Variants in CACNA1B observed in about 807,000 individuals in gnomAD.
CACNA1B encodes the protein calcium voltage-gated channel subunit alpha1 B.
Under a neutral mutation model 247.2 loss-of-function variants are expected in CACNA1B, and 70 were observed. That is an observed-to-expected ratio of 0.28 (90% CI 0.23 to 0.35). CACNA1B has a LOEUF of 0.35. Ranked by LOEUF, CACNA1B falls within the 10% of genes least tolerant of loss-of-function variation. The probability of loss-of-function intolerance (pLI) is 1.00; values close to 1 mark genes in which losing one functional copy is unlikely to be tolerated. For missense variants in CACNA1B, 2,367 were observed against 3,197.4 expected (o/e 0.74, Z 6.26); for synonymous variants, 1,231 against 1,294.4 (o/e 0.95, Z 1.05).
At chr9:137,980,938 T>C (rs1453307054) in intron 12 of CACNA1B, among the ~76,000 whole-genome samples, 1 of 152,246 alleles carries the variant, frequency 6.6e-6, no homozygotes, top group Non-Finnish European at 1.5e-5. Flanking sequence ...GTGTCCCTGC[T>C]GTTGTGAATA....
chr9:138,118,065 G>A lies in CACNA1B; in HGVS notation c.5897G>A (p.Gly1966Glu). 6.3e-7 allele frequency: 1 copy of A among 1,586,734 alleles called. No homozygotes were observed. Among genetic ancestry groups the A allele is most frequent in the Non-Finnish European group, 8.6e-7 (1 of 1,165,950 alleles). ...ERGHSTEIPV[G>E]RSGALAVDVQ... ...GGCCACTCCACAGAGATCCCTGTGG[G>A]GCGGTCAGGAGCACTGGTGAGCACT... Residue 1966 changes from glycine to glutamate, a missense_variant, in exon 43 of 47, where the codon GGG becomes GAG. By Grantham distance (98) the Gly-to-Glu change is moderately conservative. This residue lies in a region of CACNA1B where 773 missense variants were observed against 779.4 expected (regional missense o/e 0.99). Transcript: ENST00000371372.
In CACNA1B at chr9:137,889,700, G is replaced by A. The variant is rs1397192698; in HGVS notation, c.530+6817G>A. Among the ~76,000 whole-genome samples, 8 of 148,474 alleles carry A rather than the reference G, an allele frequency of 5.4e-5. 1 individual carries two copies. The highest frequency in any genetic ancestry group is 1.9e-4 in the East Asian group (1 of 5,152). On this transcript the variant is annotated intron_variant, in intron 3 of 46. Coordinates refer to ENST00000371372, the MANE Select transcript of CACNA1B (RefSeq NM_000718.4). ...CCCTTCCTGACAGTGGCCTCCCATC[G>A]GGCCTCCATGTCCGTGGGGACAGGC... is the stretch of plus-strand genomic sequence containing the variant.
rs1960156325 is a variant in CACNA1B at position 138,072,183 on chromosome 9, T to C, written c.4675-1305T>C. ...TCCTTGTGCCCACTGGCCATGGATATCATTCAAAACCAGTCCTGCTCCCAC... is the reference window on the plus strand; with the variant it reads ...TCCTTGTGCCCACTGGCCATGGATACCATTCAAAACCAGTCCTGCTCCCAC... On this transcript the variant is annotated intron_variant, in intron 32 of 46. Transcript: ENST00000371372. The surrounding 1 kb of genome is among the most constrained non-coding windows in gnomAD (Gnocchi z 4.5). Among the ~76,000 whole-genome samples the C allele has an allele frequency of 6.6e-6, 1 of 152,184 alleles. No homozygotes were observed. The highest frequency in any genetic ancestry group is 2.4e-5 in the African/African-American group (1 of 41,448).
At chr9:138,046,691 C>T (rs560990151) in intron 21 of CACNA1B, among the ~76,000 whole-genome samples, 4 of 152,254 alleles carry the variant, frequency 2.6e-5, no homozygotes, top group African/African-American at 7.2e-5. Context: ...CCCCACCCCC[C>T]GTCCCGGGAG....
intron 36 of CACNA1B, 119 bp from the exon 37 acceptor site, chr9:138,096,365 C>G: frequency 1.2e-6 from 1 of 804,244 alleles, no homozygotes. Context: ...ATGTGCTGGT[C>G]AAATCAGAGT....
At chr9:137,892,467 G>T (rs781666360) in intron 3 of CACNA1B, 11 of 406,518 alleles carry the variant, frequency 2.7e-5, no homozygotes, top group Non-Finnish European at 5.5e-5. Context: ...TAGATGGTTT[G>T]ATGTCTGCAG....
chr9:138,010,250 G>C lies in CACNA1B; in HGVS notation c.2160+173G>C, dbSNP rs938520251. ...GCTGGAGGCTGGAGCTGAGGATGCA[G>C]GGAGAGCCAAAGCCCCGAAGGCAGA... On this transcript the variant is annotated intron_variant, in intron 17 of 46. Coordinates refer to ENST00000371372, the MANE Select transcript of CACNA1B (RefSeq NM_000718.4). This position sits in a 1 kb window ranked among gnomAD's most constrained non-coding sequence, Gnocchi z 5.3. 1.3e-5 allele frequency among the ~76,000 whole-genome samples: 2 copies of C among 152,170 alleles called. No homozygotes were observed. Among genetic ancestry groups the C allele is most frequent in the Non-Finnish European group, 2.9e-5 (2 of 68,024 alleles).
intron 42 of CACNA1B, among the ~76,000 whole-genome samples, chr9:138,115,963 C>G (rs940115056): frequency 6.6e-6 from 1 of 152,244 alleles, no homozygotes; most frequent in African/African-American, 2.4e-5. Flanking sequence ...GTCAAGGGCT[C>G]TTCCTTTGCT....
At chr9:137,969,973 G>A (rs949492409) in intron 10 of CACNA1B, among the ~76,000 whole-genome samples, 6 of 152,150 alleles carry the variant, frequency 3.9e-5, no homozygotes, top group Non-Finnish European at 7.3e-5. Context: ...GTACACACAT[G>A]TGTACAAACA....
At chr9:137,981,687 C>T (rs983408085) in intron 12 of CACNA1B, among the ~76,000 whole-genome samples, 6 of 152,282 alleles carry the variant, frequency 3.9e-5, no homozygotes, top group South Asian at 4.1e-4. Context: ...CCATGTTGGT[C>T]GGGCTGGTCC....
In CACNA1B at chr9:137,891,747, T is replaced by C; in HGVS notation, c.530+8864T>C. ...AGAAGGCAGGTGCTGGCTGTGGGGCTGTAGAGTGGAGGGGCCTCCACCCTG... is the reference window on the plus strand; with the variant it reads ...AGAAGGCAGGTGCTGGCTGTGGGGCCGTAGAGTGGAGGGGCCTCCACCCTG... On this transcript the variant is annotated intron_variant, in intron 3 of 46. Coordinates refer to ENST00000371372, the MANE Select transcript of CACNA1B (RefSeq NM_000718.4). This position sits in a 1 kb window ranked among gnomAD's most constrained non-coding sequence, Gnocchi z 4.3. 1 of 314,204 alleles carries C rather than the reference T, an allele frequency of 3.2e-6. No homozygotes were observed. Among genetic ancestry groups the C allele is most frequent in the East Asian group, 8.8e-5 (1 of 11,368 alleles). The allele number at this position is 314,204 out of a possible 1,614,324, so 19.5% of individuals were successfully genotyped here. A position where few individuals can be genotyped will look rare whatever the true frequency, so the allele number is the denominator to read the frequency against.
In CACNA1B at chr9:137,917,381, A is replaced by G; in HGVS notation, c.916A>G (p.Thr306Ala). The change falls in exon 6 of 47, where the codon ACG becomes GCG. Residue 306 changes from threonine to alanine, a missense_variant. By Grantham distance (58) the Thr-to-Ala change is moderately conservative (BLOSUM62 0). Transcript: ENST00000371372. This position sits in a 1 kb window ranked among gnomAD's most constrained non-coding sequence, Gnocchi z 5.5. ...NFDNILFAIL[T>A]VFQCITMEGW... ...TGACAATATCCTGTTTGCCATCTTG[A>G]CGGTGTTCCAGTGCATCACCATGGA... 1 of 1,614,010 alleles carries G rather than the reference A, an allele frequency of 6.2e-7. No individual in the cohort carries two copies. The highest frequency in any genetic ancestry group is 8.5e-7 in the Non-Finnish European group (1 of 1,179,876).
chr9:138,013,713 T>G (rs1188700510), intron 18 of CACNA1B, among the ~76,000 whole-genome samples: 1 of 152,252 alleles, frequency 6.6e-6, no homozygotes, highest in African/African-American at 2.4e-5. Flanking sequence ...GAGGAAGTTA[T>G]TCTGGCGAAA....
At chr9:138,060,304 C>T (rs1959675367) in intron 31 of CACNA1B, among the ~76,000 whole-genome samples, 2 of 152,200 alleles carry the variant, frequency 1.3e-5, no homozygotes, top group South Asian at 4.1e-4. Context: ...GGCAGAAAAT[C>T]TCATTTGTTT....
At chr9:138,038,143 T>C (rs1176701570) in intron 20 of CACNA1B, among the ~76,000 whole-genome samples, 1 of 152,242 alleles carries the variant, frequency 6.6e-6, no homozygotes, top group Non-Finnish European at 1.5e-5. Context: ...AAATTATTCT[T>C]GTAAAATTTT....
chr9:138,053,812 C>A (rs201455197), intron 25 of CACNA1B, 34 bp from the exon 26 acceptor site: 159 of 1,572,368 alleles, frequency 1.0e-4, no homozygotes, highest in Non-Finnish European at 1.3e-4. Context: ...CATGATTCCA[C>A]CCCCTCATCA....
chr9:138,025,007 C>G lies in CACNA1B; in HGVS notation c.3121C>G (p.His1041Asp). The change falls in exon 20 of 47, where the codon CAC becomes GAC. Residue 1041 changes from histidine (H) to aspartate (D), a missense_variant. By Grantham distance (81) the His-to-Asp change is moderately conservative (BLOSUM62 -1). Transcript: ENST00000371372. ...TGGGACTGTGACTGTGGGTCCCATG[C>G]ACACACTGCCCAGCACCTGTCTCCA... ...TSGTVTVGPM[H>D]TLPSTCLQKV... 6.3e-7 allele frequency: 1 copy of G among 1,599,250 alleles called. No homozygotes were observed. Among genetic ancestry groups the G allele is most frequent in the South Asian group, 1.1e-5 (1 of 88,298 alleles).
At chr9:137,996,870 AAAATACAGATCACTTCTGC>A (rs946752352) in intron 15 of CACNA1B, among the ~76,000 whole-genome samples, 6 of 152,096 alleles carry the variant, frequency 3.9e-5, no homozygotes, top group South Asian at 2.1e-4. Flanking sequence ...TCAGAAAAGA[AAAATACAGATCACTTCTGC>A]AAATACAGAT....
intron 20 of CACNA1B, among the ~76,000 whole-genome samples, chr9:138,039,119 C>T (rs981178797): frequency 1.3e-5 from 2 of 152,070 alleles, no homozygotes; most frequent in African/African-American, 2.4e-5. Flanking sequence ...TCGCTTGAAC[C>T]CAGGAGGCAG....
Sources: allele counts gnomAD v4.1 joint callset (sites outside exome capture counted in the v4.1 genomes callset), GRCh38; gene constraint gnomAD v4.1.1; regional missense constraint gnomAD v4.1.1; non-coding constraint Gnocchi (gnomAD v3.1); transcripts MANE v1.5; gene names NCBI Gene and HGNC (gene_info 2026-07-23, HGNC 2026-07-21).